KRT3: variants seen among roughly 807,000 people sequenced by gnomAD.
KRT3 encodes keratin, type II cytoskeletal 3.
In KRT3, 34 loss-of-function variants were observed where a neutral mutation model predicts 45.8. The ratio of observed to expected loss-of-function variants is 0.74; its 90% confidence interval spans 0.57 to 0.99. The LOEUF (loss-of-function observed/expected upper bound fraction) is 0.99. Among genes scored for constraint, KRT3 ranks in the 50% least tolerant of loss-of-function variants. The pLI, the probability that KRT3 is intolerant of heterozygous loss-of-function variation, is 0.00. For synonymous variants in KRT3, 367 were observed against 329.0 expected, an observed-to-expected ratio of 1.12 and a Z score of -1.25; for missense variants, 828 against 820.6, an observed-to-expected ratio of 1.01 and a Z score of -0.11.
intron 1 of KRT3, 90 bp from the exon 2 acceptor site, chr12:52,794,421 C>G: frequency 1.2e-6 from 1 of 867,724 alleles, no homozygotes; most frequent in Non-Finnish European, 1.9e-6. Flanking sequence ...TGTCTATCTC[C>G]TGGGCCCCCA....
rs1341022699 is a variant in KRT3, at chr12:52,790,353, C to G, written c.1576G>C (p.Val526Leu). ...ECPSAVSISVVSSSTTSASAG... is the reference protein window; with the variant it reads ...ECPSAVSISVLSSSTTSASAG... The stretch of plus-strand genomic sequence containing the variant: ...GAGGCGGAAGTCGTGCTGCTGCTGA[C>G]CACGGCTGTGGGGGAGAGGACAGGA... Residue 526 changes from valine (V) to leucine (L), a missense_variant, in exon 9 of 9, where the codon GTC (valine) becomes CTC (leucine). Val to Leu is a conservative substitution (Grantham distance 32). Transcript: ENST00000417996. 6.3e-7 allele frequency: 1 copy of G among 1,595,214 alleles called. No homozygotes were observed.
In KRT3 at chr12:52,795,952, A is replaced by G. The variant is rs746942788; in HGVS notation, c.91T>C (p.Cys31Arg). The G allele has an allele frequency of 6.2e-7, 1 of 1,614,098 alleles. No individual in the cohort carries two copies. The highest frequency in any genetic ancestry group is 8.5e-7 in the Non-Finnish European group (1 of 1,180,016). ...CCAGCTCCCCCAGAGTGGGCCACAC[A>G]GCTCATCCTGCTGCTGCCGGAGACC... ...AVVSGSSRMSCVAHSGGAGGG... is the reference protein window; with the variant it reads ...AVVSGSSRMSRVAHSGGAGGG... Residue 31 changes from cysteine to arginine, a missense_variant, in exon 1 of 9, where the codon TGT (cysteine) becomes CGT (arginine). Transcript: ENST00000417996.
rs757754182 is a variant in KRT3, at chr12:52,792,755, C to T, written c.979G>A (p.Ala327Thr). Residue 327 changes from alanine to threonine, a missense_variant, in exon 4 of 9, where the codon GCC (alanine) becomes ACC (threonine). Physicochemically the swap from Ala to Thr is moderately conservative, Grantham distance 58. Transcript: ENST00000417996. ...NKVELQAKVDALIDEIDFLRT... is the reference protein window; with the variant it reads ...NKVELQAKVDTLIDEIDFLRT... ...AAGAAGTCGATCTCATCTATCAAGG[C>T]ATCCACTTTGGCCTGAAGCTCCACC... The T allele has an allele frequency of 6.2e-6, 10 of 1,613,802 alleles. No homozygotes were observed. Among genetic ancestry groups the T allele is most frequent in the Non-Finnish European group, 6.8e-6 (8 of 1,179,816 alleles).
Position 52,795,902 on chromosome 12 carries a change from G to A in KRT3, c.141C>T (p.Ser47=), listed in dbSNP as rs372128289. 5.6e-5 allele frequency: 90 copies of A among 1,614,030 alleles called. No individual in the cohort carries two copies. The highest frequency in any genetic ancestry group is 2.2e-4 in the Admixed American group (13 of 60,032). Residue 47 remains serine, a synonymous_variant, in exon 1 of 9, where the codon AGC becomes AGT. Transcript: ENST00000417996. ...GAGGGAYGFR[S]GAGGFGSRSL... is the part of the protein sequence containing the mutation. ...TGCGACTGCCAAAGCCACCTGCTCC[G>A]CTCCGGAAGCCATAGGCCCCTCCGC...
At position 52,795,945 on chromosome 12, in the gene KRT3, G is replaced by A. The variant is rs1268330924; in HGVS notation, c.98C>T (p.Ala33Val). The change falls in exon 1 of 9, where the codon GCC becomes GTC. Residue 33 changes from alanine to valine, a missense_variant. Physicochemically the swap from Ala to Val is moderately conservative, Grantham distance 64. Coordinates refer to ENST00000417996, the MANE Select transcript of KRT3 (RefSeq NM_057088.3). ...CCCTCCGCCAGCTCCCCCAGAGTGGGCCACACAGCTCATCCTGCTGCTGCC... is the reference window on the plus strand; with the variant it reads ...CCCTCCGCCAGCTCCCCCAGAGTGGACCACACAGCTCATCCTGCTGCTGCC... ...VSGSSRMSCV[A>V]HSGGAGGGAY... 1.9e-6 allele frequency: 3 copies of A among 1,614,094 alleles called. No homozygotes were observed. The highest frequency in any genetic ancestry group is 2.5e-6 in the Non-Finnish European group (3 of 1,180,018).
In KRT3 at chr12:52,790,185, C is replaced by G. The variant is rs1565676956; in HGVS notation, c.1744G>C (p.Gly582Arg). The G allele has an allele frequency of 1.9e-6, 3 of 1,548,774 alleles. No individual in the cohort carries two copies. The African/African-American group carries it at 4.1e-5, about 21-fold the overall frequency. ...CCAAAGCCGCTGCCACCGCTGAAAC[C>G]GCTGCTGCCGCCGCCAAATCCACCG... ...IGGGFGGGSS[G>R]FSGGSGFGSI... is the part of the protein sequence containing the mutation. The change falls in exon 9 of 9, where the codon GGT becomes CGT. Residue 582 changes from glycine (G) to arginine (R), a missense_variant. Physicochemically the swap from Gly to Arg is moderately radical, Grantham distance 125. Coordinates refer to ENST00000417996, the MANE Select transcript of KRT3 (RefSeq NM_057088.3).
intron 4 of KRT3, 130 bp downstream of exon 4, chr12:52,792,581 C>A: frequency 1.0e-6 from 1 of 965,328 alleles, no homozygotes; most frequent in Non-Finnish European, 1.7e-6. Context: ...CTGTGGAATC[C>A]CTTCCAAGGG....
intron 8 of KRT3, 95 bp from the exon 9 acceptor site, chr12:52,790,453 G>A: frequency 8.2e-7 from 1 of 1,220,722 alleles, no homozygotes; most frequent in Non-Finnish European, 1.1e-6. Flanking sequence ...ACTATCCAGA[G>A]CTGATCAAGG....
At chr12:52,794,449 A>G in intron 1 of KRT3, 118 bp from the exon 2 acceptor site, 3 of 698,010 alleles carry the variant, frequency 4.3e-6, no homozygotes, top group Non-Finnish European at 7.6e-6. Context: ...GGCCTAGAAA[A>G]GATGCAAAGA....
intron 1 of KRT3, among the ~76,000 whole-genome samples, 164 bp downstream of exon 1, chr12:52,795,234 G>A (rs1040973705): frequency 5.9e-5 from 9 of 152,176 alleles, no homozygotes; most frequent in South Asian, 2.1e-4. Flanking sequence ...ACTTGACCAT[G>A]TAGACAAACT....
intron 2 of KRT3, 42 bp from the exon 3 acceptor site, chr12:52,793,265 T>A (rs777488459): frequency 1.4e-6 from 2 of 1,428,160 alleles, no homozygotes; most frequent in Non-Finnish European, 1.9e-6. Flanking sequence ...GGTTTTGAGG[T>A]CATCGTAAAC....
intron 4 of KRT3, 136 bp downstream of exon 4, chr12:52,792,575 G>T: frequency 1.0e-6 from 1 of 961,408 alleles, no homozygotes; most frequent in Non-Finnish European, 1.7e-6. Context: ...CTTATCCTGT[G>T]GAATCCCTTC....
chr12:52,794,013 A>G, intron 2 of KRT3, 98 bp downstream of exon 2: 1 of 861,656 alleles, frequency 1.2e-6, no homozygotes, highest in Non-Finnish European at 1.9e-6. Context: ...ATGGGCCAGG[A>G]GACGCCACTG....
At position 52,790,299 on chromosome 12, in the gene KRT3, C is replaced by A. The variant is rs184297044; in HGVS notation, c.1630G>T (p.Gly544Ter). ...SAGGYGGGYG[G>*]GMGGGLGGGF... ...CCTCCTAAACCACCGCCCATGCCTCCGCCGTAACCTCCTCCATAGCCACCT... is the reference window on the plus strand; with the variant it reads ...CCTCCTAAACCACCGCCCATGCCTCAGCCGTAACCTCCTCCATAGCCACCT... The change falls in exon 9 of 9, where the codon GGA becomes TGA. Residue 544 changes from glycine (G) to a stop codon, truncating the protein, a stop_gained. Coordinates refer to ENST00000417996, the MANE Select transcript of KRT3 (RefSeq NM_057088.3). LOFTEE classifies it low-confidence loss of function (END_TRUNC). The A allele has an allele frequency of 6.4e-7, 1 of 1,567,052 alleles. No individual in the cohort carries two copies. The highest frequency in any genetic ancestry group is 2.4e-5 in the East Asian group (1 of 42,128).
Position 52,790,363 on chromosome 12 carries a change from G to C in KRT3, c.1571-5C>G, listed in dbSNP as rs774366899. 2.7e-4 allele frequency: 424 copies of C among 1,593,176 alleles called. 7 individuals carry two copies. The South Asian group carries it at 4.8e-3, about 18-fold the overall frequency. ...TCGTGCTGCTGCTGACCACGGCTGTGGGGGAGAGGACAGGACAGCGATCAG... is the reference window on the plus strand; with the variant it reads ...TCGTGCTGCTGCTGACCACGGCTGTCGGGGAGAGGACAGGACAGCGATCAG... On this transcript the variant is annotated splice_region_variant and splice_polypyrimidine_tract_variant and intron_variant, in intron 8 of 8. Transcript: ENST00000417996.
chr12:52,793,976 G>A lies in KRT3; in HGVS notation c.866+135C>T. 3 of 672,184 alleles carry A rather than the reference G, an allele frequency of 4.5e-6. No individual in the cohort carries two copies. In the East Asian group the frequency reaches 7.6e-5, roughly 17 times the overall value. 41.6% of individuals were successfully genotyped at this position (672,184 alleles called of 1,614,324 possible). ...GAGGGGGAACTGAATGAACCAAGCT[G>A]TCCTTCATGAAGGTAAGGAGAGGGA... On this transcript the variant is annotated intron_variant, in intron 2 of 8. Coordinates refer to ENST00000417996, the MANE Select transcript of KRT3 (RefSeq NM_057088.3).
intron 8 of KRT3, 128 bp downstream of exon 8, chr12:52,790,710 T>C: frequency 1.1e-6 from 1 of 884,104 alleles, no homozygotes; most frequent in Non-Finnish European, 1.8e-6. Flanking sequence ...GCCAATCACT[T>C]CCCTCTCCTC....
At chr12:52,791,049 C>T (rs993195255) in intron 7 of KRT3, among the ~76,000 whole-genome samples, 157 bp downstream of exon 7, 1 of 152,226 alleles carries the variant, frequency 6.6e-6, no homozygotes, top group Non-Finnish European at 1.5e-5. Context: ...TGGTTGCATA[C>T]GTGCCCTGGG....
At chr12:52,793,939 G>C (rs1939582035) in intron 2 of KRT3, among the ~76,000 whole-genome samples, 172 bp downstream of exon 2, 1 of 152,188 alleles carries the variant, frequency 6.6e-6, no homozygotes, top group Non-Finnish European at 1.5e-5. Flanking sequence ...ACCATGCTTG[G>C]AGAAGGAAGG....
Sources: allele counts gnomAD v4.1 joint callset (sites outside exome capture counted in the v4.1 genomes callset), GRCh38; gene constraint gnomAD v4.1.1; transcripts MANE v1.5; gene names NCBI Gene and HGNC (gene_info 2026-07-23, HGNC 2026-07-21).